Variants in ZDHHC15 observed in about 807,000 individuals in gnomAD.
The protein encoded by ZDHHC15 is palmitoyltransferase ZDHHC15.
Under a neutral mutation model 31.7 loss-of-function variants are expected in ZDHHC15, and 19 were observed. The ratio of observed to expected loss-of-function variants is 0.60; its 90% CI spans 0.42 to 0.88. ZDHHC15 has a LOEUF of 0.88. ZDHHC15 is among the 40% of genes least tolerant of loss of function. The pLI, the probability that ZDHHC15 is intolerant of heterozygous loss-of-function variation, is 0.00. For synonymous variants in ZDHHC15, 103 were observed against 90.0 expected (o/e 1.14, Z -0.82); for missense variants, 209 against 251.2 (o/e 0.83, Z 1.14).
intron 10 of ZDHHC15, among the ~76,000 whole-genome samples, chrX:75,382,205 C>T (rs1215364624): frequency 2.7e-5 from 3 of 112,235 alleles, no homozygotes; most frequent in African/African-American, 9.7e-5. Flanking sequence ...TATGTCCCTC[C>T]ACAGGACCTT....
At chrX:75,517,402 C>T (rs2085374450) in intron 1 of ZDHHC15, among the ~76,000 whole-genome samples, 1 of 110,114 alleles carries the variant, frequency 9.1e-6, no homozygotes, top group Admixed American at 9.7e-5. Flanking sequence ...GAATACTATG[C>T]ATCCATAAAA....
chrX:75,488,767 G>T (rs1392021679), intron 2 of ZDHHC15, among the ~76,000 whole-genome samples: 2 of 111,877 alleles, frequency 1.8e-5, no homozygotes, highest in African/African-American at 3.2e-5. Flanking sequence ...TGGGTGCAGT[G>T]CACCAAGCGC....
chrX:75,508,627 T>C (rs928487816), intron 1 of ZDHHC15, among the ~76,000 whole-genome samples: 1 of 110,415 alleles, frequency 9.1e-6, no homozygotes, highest in African/African-American at 3.3e-5. Context: ...TGTGTCTTTA[T>C]AGTAACATGA....
At chrX:75,518,869 A>G (rs1351245406) in intron 1 of ZDHHC15, among the ~76,000 whole-genome samples, 5 of 96,060 alleles carry the variant, frequency 5.2e-5, no homozygotes, top group Non-Finnish European at 8.2e-5. Context: ...TTCAGCCATT[A>G]AAAGGGATAA....
chrX:75,490,462 T>C (rs1375523851), intron 2 of ZDHHC15, among the ~76,000 whole-genome samples: 2 of 111,670 alleles, frequency 1.8e-5, no homozygotes, highest in Non-Finnish European at 3.8e-5. Flanking sequence ...AAGAATTTTC[T>C]TGGCGATGTG....
chrX:75,516,088 C>T lies in ZDHHC15; in HGVS notation c.136+6801G>A, dbSNP rs761839507. Among the ~76,000 whole-genome samples the T allele has an allele frequency of 4.5e-5, 5 of 111,504 alleles. No individual in the cohort carries two copies. The South Asian group carries it at 1.1e-3, about 25-fold the overall frequency. ...CACTGCTCAATTAAATAAAAGAGGACACAAACAAATGGAAGAATATTCCAT... is the reference window on the plus strand; with the variant it reads ...CACTGCTCAATTAAATAAAAGAGGATACAAACAAATGGAAGAATATTCCAT... On this transcript the variant is annotated intron_variant, in intron 1 of 11. Transcript: ENST00000373367.
chrX:75,517,624 A>T (rs1157434726), intron 1 of ZDHHC15, among the ~76,000 whole-genome samples: 1 of 106,036 alleles, frequency 9.4e-6, no homozygotes, highest in African/African-American at 3.4e-5. Context: ...CATTAGGAGA[A>T]ATACCTAAGG....
chrX:75,489,011 A>T (rs938240268), intron 2 of ZDHHC15, among the ~76,000 whole-genome samples: 1 of 111,889 alleles, frequency 8.9e-6, no homozygotes, highest in Non-Finnish European at 1.9e-5. Context: ...CTAGCACAGC[A>T]GTCTGAGATC....
At chrX:75,409,742 C>T (rs2083462834) in intron 10 of ZDHHC15, among the ~76,000 whole-genome samples, 1 of 91,225 alleles carries the variant, frequency 1.1e-5, no homozygotes, top group African/African-American at 4.1e-5. Flanking sequence ...TTGCAGTGAG[C>T]TGAGATTGAG....
intron 3 of ZDHHC15, among the ~76,000 whole-genome samples, chrX:75,457,640 T>TAC (rs1274398900): frequency 4.4e-5 from 4 of 90,051 alleles, no homozygotes; most frequent in African/African-American, 1.9e-4. Flanking sequence ...AAGTTTTATT[T>TAC]ACACTCACAC....
At chrX:75,508,203 C>A (rs2085198802) in intron 1 of ZDHHC15, among the ~76,000 whole-genome samples, 1 of 109,312 alleles carries the variant, frequency 9.1e-6, no homozygotes, top group African/African-American at 3.3e-5. Context: ...CATGCAGGTT[C>A]ATTGCAGATG....
At chrX:75,431,339 G>T in intron 5 of ZDHHC15, 112 bp downstream of exon 5, 1 of 690,263 alleles carries the variant, frequency 1.4e-6, no homozygotes, top group Non-Finnish European at 2.1e-6. Flanking sequence ...CATTATAATT[G>T]AAAGGAAATG....
chrX:75,422,433 G>C (rs1342861612), intron 8 of ZDHHC15, among the ~76,000 whole-genome samples: 1 of 111,843 alleles, frequency 8.9e-6, no homozygotes, highest in East Asian at 2.8e-4. Context: ...ACATTGATTT[G>C]GTTTTGAAAC....
intron 10 of ZDHHC15, among the ~76,000 whole-genome samples, chrX:75,396,106 C>T (rs763705645): frequency 1.8e-5 from 2 of 111,796 alleles, no homozygotes; most frequent in Non-Finnish European, 3.8e-5. Context: ...TTGAGTAATA[C>T]CCCCTAACAC....
intron 3 of ZDHHC15, among the ~76,000 whole-genome samples, chrX:75,456,289 T>G: frequency 9.7e-6 from 1 of 102,718 alleles, no homozygotes; most frequent in Non-Finnish European, 2.0e-5. Flanking sequence ...CACTCACAGG[T>G]GAGAATTGAA....
At chrX:75,488,736 C>T (rs763347863) in intron 2 of ZDHHC15, among the ~76,000 whole-genome samples, 43 of 111,887 alleles carry the variant, frequency 3.8e-4, no homozygotes, top group African/African-American at 1.4e-3. Flanking sequence ...TGGGGAGTGT[C>T]GGAAACTGGG....
intron 10 of ZDHHC15, among the ~76,000 whole-genome samples, chrX:75,411,039 G>T (rs1339548551): frequency 8.9e-6 from 1 of 111,735 alleles, no homozygotes; most frequent in Admixed American, 9.6e-5. Context: ...TACAAAAGTG[G>T]ATCTCACAAA....
At chrX:75,403,842 T>G (rs1351813321) in intron 10 of ZDHHC15, among the ~76,000 whole-genome samples, 1 of 112,001 alleles carries the variant, frequency 8.9e-6, no homozygotes, top group Non-Finnish European at 1.9e-5. Context: ...CCTATCAAAT[T>G]ACCAGTGTCA....
At chrX:75,390,685 C>G (rs2083233615) in intron 10 of ZDHHC15, among the ~76,000 whole-genome samples, 1 of 111,179 alleles carries the variant, frequency 9.0e-6, no homozygotes, top group Admixed American at 9.6e-5. Flanking sequence ...ATGCAATGAT[C>G]AAAGACTTAG....
Sources: gnomAD v4.1 joint callset for allele counts (sites outside exome capture counted in the v4.1 genomes callset) on GRCh38, gnomAD v4.1.1 for gene constraint, MANE v1.5 for transcripts, NCBI Gene and HGNC (gene_info 2026-07-23, HGNC 2026-07-21) for gene names.